The following ZFYVE9 variants were observed in gnomAD, a reference collection of about 807,000 sequenced individuals.
The protein encoded by ZFYVE9 is zinc finger FYVE-type containing 9.
In ZFYVE9, 43 loss-of-function variants were observed where a neutral mutation model predicts 126.7. The observed-to-expected ratio is 0.34, with a 90% CI of 0.27 to 0.44. The LOEUF is 0.44. Among genes scored for constraint, ZFYVE9 ranks in the 20% least tolerant of loss-of-function variants. The pLI, the probability that ZFYVE9 is intolerant of heterozygous loss-of-function variation, is 1.00. For missense variants in ZFYVE9, 1,476 were observed against 1,697.0 expected (o/e 0.87, Z 2.29); for synonymous variants, 521 against 597.4 (o/e 0.87, Z 1.87).
chr1:52,300,984 C>T (rs1394815945), intron 12 of ZFYVE9, among the ~76,000 whole-genome samples: 4 of 151,500 alleles, frequency 2.6e-5, no homozygotes, highest in African/African-American at 4.8e-5. Context: ...CTCAGCCTCC[C>T]GAGTAGCTGG....
chr1:52,217,509 TCTG>T (rs1255075842), intron 2 of ZFYVE9, among the ~76,000 whole-genome samples: 2 of 152,208 alleles, frequency 1.3e-5, no homozygotes, highest in African/African-American at 4.8e-5. Context: ...CGAGAGCTTA[TCTG>T]AGTACGGAGG....
In ZFYVE9 at chr1:52,293,646, T is replaced by A. The variant is rs1645946499; in HGVS notation, c.3219T>A (p.Arg1073=). 1 of 1,613,986 alleles carries A rather than the reference T, an allele frequency of 6.2e-7. No individual in the cohort carries two copies. Among genetic ancestry groups the A allele is most frequent in the Admixed American group, 1.7e-5 (1 of 59,972 alleles). Residue 1073 remains arginine (R), a synonymous_variant, in exon 11 of 19, where the codon CGT becomes CGA. Transcript: ENST00000287727. ...CTTGGGCTAAAGTATTTCCTATCCG[T>A]CTGATGTTGAGACTTGGAGCTGAAT... ...ETPWAKVFPI[R]LMLRLGAEYR... is the part of the protein sequence containing the mutation.
chr1:52,171,940 T>A (rs1476733978), intron 1 of ZFYVE9, among the ~76,000 whole-genome samples: 11 of 152,170 alleles, frequency 7.2e-5, no homozygotes, highest in Admixed American at 2.0e-4. Flanking sequence ...TTTTCTTCCA[T>A]TTTGTAGGTT....
intron 12 of ZFYVE9, among the ~76,000 whole-genome samples, chr1:52,298,806 G>C (rs922440860): frequency 9.2e-6 from 1 of 109,198 alleles, no homozygotes; most frequent in Non-Finnish European, 1.8e-5. Flanking sequence ...CTTTGTCAAT[G>C]TTTTTTTTTT....
rs1240632701 is a variant in ZFYVE9, at chr1:52,171,391, C to G, written c.-143+28988C>G. 1.1e-4 allele frequency among the ~76,000 whole-genome samples: 17 copies of G among 152,212 alleles called. No homozygotes were observed. The East Asian group carries it at 2.3e-3, about 21-fold the overall frequency. On this transcript the variant is annotated intron_variant, in intron 1 of 18. Transcript: ENST00000287727. ...ATATGTGCCACATTTTCTTAATCCA[C>G]TATATCATTGTTGGACATTTGGGTT...
At position 52,334,698 on chromosome 1, in the gene ZFYVE9, C is replaced by T; in HGVS notation, c.3600C>T (p.Ala1200=). The stretch of plus-strand genomic sequence containing the variant: ...CTATTGCTGTTTTAGTGACTGGTGC[C>T]AGTTTCTTTGTGTTCAGTGGCGCTC... ...IHNQPRKVTG[A]SFFVFSGALK... is the part of the protein sequence containing the mutation. The change falls in exon 15 of 19, where the codon GCC becomes GCT. Residue 1200 remains alanine (A), a synonymous_variant. Coordinates refer to ENST00000287727, the MANE Select transcript of ZFYVE9 (RefSeq NM_004799.4). 1 of 1,613,754 alleles carries T rather than the reference C, an allele frequency of 6.2e-7. No homozygotes were observed. The highest frequency in any genetic ancestry group is 8.5e-7 in the Non-Finnish European group (1 of 1,179,844).
At chr1:52,232,603 C>T (rs1386357491) in intron 2 of ZFYVE9, among the ~76,000 whole-genome samples, 1 of 151,932 alleles carries the variant, frequency 6.6e-6, no homozygotes, top group African/African-American at 2.4e-5. Context: ...TGGTGCTTGC[C>T]TGTAATCCCA....
chr1:52,338,159 G>T (rs1249999552), intron 16 of ZFYVE9, among the ~76,000 whole-genome samples: 3 of 152,014 alleles, frequency 2.0e-5, no homozygotes, highest in African/African-American at 7.2e-5. Context: ...AGGGATTGAT[G>T]AAACAAAAAA....
chr1:52,346,072 G>A lies in ZFYVE9; in HGVS notation c.4129G>A (p.Ala1377Thr), dbSNP rs1646481205. 3.1e-6 allele frequency: 5 copies of A among 1,602,640 alleles called. No homozygotes were observed. The highest frequency in any genetic ancestry group is 4.3e-6 in the Non-Finnish European group (5 of 1,172,462). The change falls in exon 19 of 19, where the codon GCA becomes ACA. Residue 1377 changes from alanine (A) to threonine (T), a missense_variant. Coordinates refer to ENST00000287727, the MANE Select transcript of ZFYVE9 (RefSeq NM_004799.4). ...CTCTGTGGTATAGGTTGGCTATCAA[G>A]CAGGGAGCAATGGCCAGCCCCTTCC... ...TLDSDQVGYQ[A>T]GSNGQPLPSQ...
intron 1 of ZFYVE9, among the ~76,000 whole-genome samples, chr1:52,157,878 ACTT>A (rs1404155366): frequency 3.3e-5 from 5 of 151,948 alleles, no homozygotes; most frequent in Admixed American, 3.3e-4. Flanking sequence ...CCACCACTGA[ACTT>A]CTTAGTGATG....
rs58847260 is a variant in ZFYVE9, at chr1:52,263,753, TCCCC to T, written c.2179-8_2179-5del. The T allele has an allele frequency of 9.3e-5, 66 of 713,456 alleles. 2 individuals are homozygous for T. In the Middle Eastern group the frequency reaches 1.5e-3, roughly 16 times the overall value. 44.2% of individuals were successfully genotyped at this position (713,456 alleles called of 1,614,324 possible). A position where few individuals can be genotyped will look rare whatever the true frequency, so the allele number is the denominator to read the frequency against. ...ATCCCAAGTAAATTTTGTGTGTTCT[TCCCC>T]CCCCCCCCCCCACAGGTTTTCTGTG... is the stretch of plus-strand genomic sequence containing the variant. On this transcript the variant is annotated splice_polypyrimidine_tract_variant and intron_variant, in intron 4 of 18. Coordinates refer to ENST00000287727, the MANE Select transcript of ZFYVE9 (RefSeq NM_004799.4).
At chr1:52,307,875 C>T (rs887376302) in intron 13 of ZFYVE9, among the ~76,000 whole-genome samples, 2 of 151,914 alleles carry the variant, frequency 1.3e-5, no homozygotes, top group Non-Finnish European at 2.9e-5. Flanking sequence ...CCTCAGCCTC[C>T]CGAGTAGCTG....
intron 13 of ZFYVE9, among the ~76,000 whole-genome samples, chr1:52,318,653 A>G (rs1279093181): frequency 1.3e-5 from 2 of 152,162 alleles, no homozygotes; most frequent in Admixed American, 6.6e-5. Context: ...ATTCATGGAT[A>G]ACATGGCTGT....
At position 52,337,867 on chromosome 1, in the gene ZFYVE9, G is replaced by A. The variant is rs1557526766; in HGVS notation, c.3766G>A (p.Asp1256Asn). 1.2e-6 allele frequency: 2 copies of A among 1,614,232 alleles called. No homozygotes were observed. Among genetic ancestry groups the A allele is most frequent in the Non-Finnish European group, 1.7e-6 (2 of 1,180,048 alleles). Reference protein sequence around the residue: ...KDFTITCGKADAEEPQEHIHI... With the variant: ...KDFTITCGKANAEEPQEHIHI... Reference sequence around the variant, plus strand: ...CTTCACCATCACCTGTGGGAAGGCGGACGCGGAGGAACCCCAGGAGCACAT... The same window carrying A: ...CTTCACCATCACCTGTGGGAAGGCGAACGCGGAGGAACCCCAGGAGCACAT... The change falls in exon 16 of 19, where the codon GAC becomes AAC. Residue 1256 changes from aspartate to asparagine, a missense_variant. Around this residue, in one of 2 missense-constraint regions of ZFYVE9, gnomAD observed 669 missense variants for 902.4 expected, o/e 0.74. Transcript: ENST00000287727.
chr1:52,197,923 G>T (rs910179257), intron 1 of ZFYVE9, among the ~76,000 whole-genome samples: 7 of 152,114 alleles, frequency 4.6e-5, no homozygotes, highest in Non-Finnish European at 1.0e-4. Context: ...GGAACAACCA[G>T]ATGGAGAACT....
intron 1 of ZFYVE9, among the ~76,000 whole-genome samples, chr1:52,175,422 G>C (rs369974317): frequency 1.1e-4 from 17 of 151,670 alleles, no homozygotes; most frequent in Admixed American, 6.6e-4. Flanking sequence ...ACCTTTCTCT[G>C]TGGCTGCCCT....
chr1:52,185,890 A>G (rs950302873), intron 1 of ZFYVE9, among the ~76,000 whole-genome samples: 1 of 150,040 alleles, frequency 6.7e-6, no homozygotes, highest in Non-Finnish European at 1.5e-5. Context: ...ACTGCACTCC[A>G]GCCTGGGGAC....
At chr1:52,179,376 T>C (rs1173188872) in intron 1 of ZFYVE9, among the ~76,000 whole-genome samples, 1 of 152,190 alleles carries the variant, frequency 6.6e-6, no homozygotes, top group Non-Finnish European at 1.5e-5. Flanking sequence ...GGCTCATGCC[T>C]GTAATTCCAG....
chr1:52,278,668 C>A, intron 9 of ZFYVE9, 54 bp downstream of exon 9: 10 of 1,179,660 alleles, frequency 8.5e-6, no homozygotes, highest in African/African-American at 1.6e-5. Context: ...ACTCATAGTA[C>A]ATAAAACTTT....
Sources: gnomAD v4.1 joint callset for allele counts (sites outside exome capture counted in the v4.1 genomes callset) on GRCh38, gnomAD v4.1.1 for gene constraint, gnomAD v4.1.1 regional missense constraint, MANE v1.5 for transcripts, NCBI Gene and HGNC (gene_info 2026-07-23, HGNC 2026-07-21) for gene names.